RAB38: variants seen among roughly 807,000 people sequenced by gnomAD.
RAB38 encodes the protein ras-related protein Rab-38.
A neutral mutation model predicts 18.4 loss-of-function variants in RAB38; 15 were observed. The observed-to-expected ratio is 0.82, with a 90% confidence interval of 0.55 to 1.26. The LOEUF is 1.26. Ranked by LOEUF, RAB38 falls within the 50% of genes most tolerant of loss-of-function variation. The pLI, the probability that RAB38 is intolerant of heterozygous loss-of-function variation, is 0.00. For synonymous variants in RAB38, 101 were observed against 104.4 expected (o/e 0.97, Z 0.20); for missense variants, 294 against 267.4 (o/e 1.10, Z -0.69).
At chr11:87,950,421 T>C in the RAB38 span, among the ~76,000 whole-genome samples, 1 of 152,210 alleles carries the variant, frequency 6.6e-6, no homozygotes, top group Admixed American at 6.5e-5. Context: ...AATTTGATCC[T>C]GTCATTATGA....
the RAB38 span, among the ~76,000 whole-genome samples, chr11:88,022,914 ACTT>A: frequency 6.6e-6 from 1 of 152,122 alleles, no homozygotes; most frequent in Non-Finnish European, 1.5e-5. Flanking sequence ...AAAAACAAAT[ACTT>A]CATGTCCTCA....
intron 1 of RAB38, among the ~76,000 whole-genome samples, chr11:88,156,461 T>C (rs1045571964): frequency 1.1e-4 from 16 of 152,152 alleles, no homozygotes; most frequent in Non-Finnish European, 1.5e-5. Flanking sequence ...CCCAGCACTT[T>C]GGGAGGCCGA....
At chr11:88,159,661 C>T (rs903491047) in intron 1 of RAB38, among the ~76,000 whole-genome samples, 11 of 151,810 alleles carry the variant, frequency 7.2e-5, no homozygotes, top group African/African-American at 2.2e-4. Flanking sequence ...ACAGAGAAAC[C>T]AGAAATAAAG....
the RAB38 span, among the ~76,000 whole-genome samples, chr11:87,952,608 C>G: frequency 6.6e-6 from 1 of 152,118 alleles, no homozygotes; most frequent in South Asian, 2.1e-4. Flanking sequence ...GGGTTATACC[C>G]ACAAATCCAA....
chr11:87,958,838 T>TA, the RAB38 span, among the ~76,000 whole-genome samples: 1 of 152,208 alleles, frequency 6.6e-6, no homozygotes, highest in East Asian at 1.9e-4. Flanking sequence ...AAATCCTGTA[T>TA]AATAATCCCT....
chr11:87,973,769 A>G, the RAB38 span, among the ~76,000 whole-genome samples: 4 of 152,092 alleles, frequency 2.6e-5, no homozygotes, highest in Admixed American at 2.6e-4. Context: ...TGAAAATGCC[A>G]TAGGTCATTC....
At chr11:87,884,828 A>G in the RAB38 span, among the ~76,000 whole-genome samples, 1 of 151,812 alleles carries the variant, frequency 6.6e-6, no homozygotes, top group Non-Finnish European at 1.5e-5. Context: ...AGATTTTCCT[A>G]CCTCTGACCT....
the RAB38 span, among the ~76,000 whole-genome samples, chr11:88,004,976 A>G: frequency 6.6e-6 from 1 of 151,414 alleles, no homozygotes; most frequent in Non-Finnish European, 1.5e-5. Context: ...CAGAGAAATT[A>G]AAGTATACCT....
At chr11:87,901,116 T>C in the RAB38 span, among the ~76,000 whole-genome samples, 6 of 151,668 alleles carry the variant, frequency 4.0e-5, no homozygotes, top group East Asian at 1.2e-3. Context: ...TTGGAATCAA[T>C]GGAAGTGATG....
the RAB38 span, among the ~76,000 whole-genome samples, chr11:87,813,902 G>C: frequency 6.6e-6 from 1 of 152,178 alleles, no homozygotes; most frequent in South Asian, 2.1e-4. Flanking sequence ...TCCCGTGGGG[G>C]TGTGGTTGAA....
chr11:88,021,223 C>T, the RAB38 span, among the ~76,000 whole-genome samples: 1 of 151,680 alleles, frequency 6.6e-6, no homozygotes. Context: ...GAGAGAAGAC[C>T]CAAATAAGTA....
At chr11:88,122,709 G>A (rs1402897538) in intron 2 of RAB38, among the ~76,000 whole-genome samples, 1 of 152,220 alleles carries the variant, frequency 6.6e-6, no homozygotes, top group Non-Finnish European at 1.5e-5. Context: ...GTATTTGCTA[G>A]ACTTATTCAA....
At chr11:88,119,377 C>A (rs550092085) in intron 2 of RAB38, among the ~76,000 whole-genome samples, 6 of 152,182 alleles carry the variant, frequency 3.9e-5, no homozygotes, top group African/African-American at 1.4e-4. Flanking sequence ...TAAAGTTGTT[C>A]ATAATTTTTT....
At chr11:87,926,600 C>T in the RAB38 span, among the ~76,000 whole-genome samples, 3 of 151,828 alleles carry the variant, frequency 2.0e-5, no homozygotes, top group African/African-American at 2.4e-5. Flanking sequence ...GCTTGAGTCC[C>T]CAAGAGAGTT....
chr11:87,824,410 C>G, the RAB38 span, among the ~76,000 whole-genome samples: 2 of 152,136 alleles, frequency 1.3e-5, no homozygotes, highest in South Asian at 4.2e-4. Flanking sequence ...GATCAAGAAA[C>G]CCTATACATG....
chr11:87,971,896 A>G, the RAB38 span, among the ~76,000 whole-genome samples: 1 of 149,696 alleles, frequency 6.7e-6, no homozygotes, highest in Admixed American at 6.8e-5. Context: ...GCCCTCTTGA[A>G]ATCTCACTAA....
chr11:87,888,890 T>G, the RAB38 span, among the ~76,000 whole-genome samples: 1 of 151,946 alleles, frequency 6.6e-6, no homozygotes, highest in African/African-American at 2.4e-5. Flanking sequence ...ATAGGCTACT[T>G]CCAAGGAGAC....
At chr11:87,813,630 A>C in the RAB38 span, among the ~76,000 whole-genome samples, 78 of 152,242 alleles carry the variant, frequency 5.1e-4, no homozygotes, top group African/African-American at 1.8e-3. Flanking sequence ...TGGGGTATCT[A>C]ACCCCAGTTT....
chr11:87,839,476 G>T, the RAB38 span, among the ~76,000 whole-genome samples: 1 of 152,152 alleles, frequency 6.6e-6, no homozygotes, highest in Non-Finnish European at 1.5e-5. Context: ...TGACTTTTCA[G>T]TTGTTCTTTT....
Sources: allele counts gnomAD v4.1 joint callset (sites outside exome capture counted in the v4.1 genomes callset), GRCh38; gene constraint gnomAD v4.1.1; transcripts MANE v1.5; gene names NCBI Gene and HGNC (gene_info 2026-07-23, HGNC 2026-07-21).